PTK7: variants seen among roughly 807,000 people sequenced by gnomAD.
The protein encoded by PTK7 is inactive tyrosine-protein kinase 7.
In PTK7, 39 loss-of-function variants were observed where a neutral mutation model predicts 116.6. The observed-to-expected ratio is 0.33, with a 90% confidence interval of 0.26 to 0.44. PTK7 has a LOEUF of 0.44. Among genes scored for constraint, PTK7 ranks in the 20% least tolerant of loss-of-function variants. The pLI is 1.00. For synonymous variants in PTK7, 546 were observed against 563.6 expected, an observed-to-expected ratio of 0.97 and a Z score of 0.44; for missense variants, 1,169 against 1,425.6, an observed-to-expected ratio of 0.82 and a Z score of 2.90.
chr6:43,132,751 ACAGAGGCTTCCCTGGTACT>A, intron 7 of PTK7, 64 bp downstream of exon 7: 1 of 1,547,898 alleles, frequency 6.5e-7, no homozygotes, highest in South Asian at 1.2e-5. Flanking sequence ...GGTGTGATGG[ACAGAGGCTTCCCTGGTACT>A]CACCTGAGGT....
intron 1 of PTK7, among the ~76,000 whole-genome samples, chr6:43,105,146 A>C (rs890038602): frequency 7.3e-5 from 11 of 151,694 alleles, no homozygotes; most frequent in African/African-American, 2.7e-4. Context: ...TCTGGAGATA[A>C]TGCTGGATGT....
At chr6:43,111,297 T>C (rs889553729) in intron 1 of PTK7, among the ~76,000 whole-genome samples, 1 of 152,140 alleles carries the variant, frequency 6.6e-6, no homozygotes, top group Non-Finnish European at 1.5e-5. Context: ...CGTACCTGTA[T>C]TTAGTGATCA....
intron 17 of PTK7, 76 bp downstream of exon 17, chr6:43,146,774 G>C: frequency 1.5e-6 from 2 of 1,322,368 alleles, no homozygotes; most frequent in Non-Finnish European, 2.2e-6. Context: ...ACCATTTATT[G>C]AGGGCTCTCT....
At position 43,076,434 on chromosome 6, in the gene PTK7, G is replaced by A; in HGVS notation, c.-55G>A. 1 of 1,425,826 alleles carries A rather than the reference G, an allele frequency of 7.0e-7. No individual in the cohort carries two copies. Among genetic ancestry groups the A allele is most frequent in the Non-Finnish European group, 9.3e-7 (1 of 1,079,780 alleles). 88.3% of individuals were successfully genotyped at this position (1,425,826 alleles called of 1,614,324 possible). On this transcript the variant is annotated 5_prime_UTR_variant, in exon 1 of 20. Transcript: ENST00000230419. This position sits in a 1 kb window ranked among gnomAD's most constrained non-coding sequence, Gnocchi z 5.7. Reference sequence around the variant, plus strand: ...CTCCGCCTCCTGTGCCCGCCGCGGAGCGCAGTCTGCGCGCCCGCCGTGCGC... The same window carrying A: ...CTCCGCCTCCTGTGCCCGCCGCGGAACGCAGTCTGCGCGCCCGCCGTGCGC...
In PTK7 at chr6:43,106,195, TCTC is replaced by T. The variant is rs556964727; in HGVS notation, c.80-22778_80-22776del. Among the ~76,000 whole-genome samples the T allele has an allele frequency of 3.1e-3, 466 of 152,264 alleles. 2 individuals carry two copies. The highest frequency in any genetic ancestry group is 0.01 in the African/African-American group (428 of 41,554). ...CTAATGGCCTCTTGGTGGGCTTCCT[TCTC>T]CTCATCCTTTTAACCCTGAGCATTC... On this transcript the variant is annotated intron_variant, in intron 1 of 19. Coordinates refer to ENST00000230419, the MANE Select transcript of PTK7 (RefSeq NM_002821.5).
intron 1 of PTK7, among the ~76,000 whole-genome samples, chr6:43,086,756 AG>A (rs1392988373): frequency 6.6e-6 from 1 of 152,104 alleles, no homozygotes; most frequent in Admixed American, 6.5e-5. Context: ...GGATTGCTTG[AG>A]CCTGGGAGGT....
intron 1 of PTK7, among the ~76,000 whole-genome samples, chr6:43,124,768 C>G (rs567014575): frequency 2.0e-5 from 3 of 152,390 alleles, no homozygotes; most frequent in East Asian, 3.9e-4. Flanking sequence ...GTCTTCTGAG[C>G]AAACATGGGT....
intron 1 of PTK7, among the ~76,000 whole-genome samples, chr6:43,122,496 G>A (rs953113453): frequency 6.6e-6 from 1 of 152,172 alleles, no homozygotes; most frequent in African/African-American, 2.4e-5. Context: ...CTCCCTTGGG[G>A]GTCTATGTAT....
At position 43,138,886 on chromosome 6, in the gene PTK7, G is replaced by A. The variant is rs1770209433; in HGVS notation, c.1266G>A (p.Gln422=). 4.3e-6 allele frequency: 7 copies of A among 1,614,172 alleles called. No individual in the cohort carries two copies. The highest frequency in any genetic ancestry group is 5.9e-6 in the Non-Finnish European group (7 of 1,180,026). Residue 422 remains glutamine, a synonymous_variant, in exon 8 of 20, where the codon CAG becomes CAA. Coordinates refer to ENST00000230419, the MANE Select transcript of PTK7 (RefSeq NM_002821.5). The stretch of plus-strand genomic sequence containing the variant: ...GGCTGAAGAAGCCCCAAGACAGCCA[G>A]CTGGAGGAGGGCAAACCCGGCTACT... ...PSWLKKPQDS[Q]LEEGKPGYLD...
rs1582163381 is a variant in PTK7 at position 43,132,464 on chromosome 6, T to C, written c.1005T>C (p.Ala335=). ...TATTTGAGCCACGGGTGTTTACAGCTGGCAGCGAGGAGCGTGTGACCTGCC... is the reference window on the plus strand; with the variant it reads ...TATTTGAGCCACGGGTGTTTACAGCCGGCAGCGAGGAGCGTGTGACCTGCC... ...MPLFEPRVFT[A]GSEERVTCLP... The change falls in exon 7 of 20, where the codon GCT becomes GCC. Residue 335 remains alanine (A), a synonymous_variant. Transcript: ENST00000230419. 6 of 1,595,452 alleles carry C rather than the reference T, an allele frequency of 3.8e-6. No individual in the cohort carries two copies. The East Asian group carries it at 1.1e-4, about 30-fold the overall frequency.
chr6:43,114,994 ATC>A (rs1768423457), intron 1 of PTK7, among the ~76,000 whole-genome samples: 1 of 151,768 alleles, frequency 6.6e-6, no homozygotes, highest in Non-Finnish European at 1.5e-5. Context: ...GTGAGCCGAG[ATC>A]TTGCCATTGC....
At chr6:43,108,425 G>A (rs1343924487) in intron 1 of PTK7, among the ~76,000 whole-genome samples, 10 of 146,028 alleles carry the variant, frequency 6.8e-5, no homozygotes, top group Non-Finnish European at 1.5e-5. Context: ...TTAAAGACAG[G>A]GTCTCAGTTT....
chr6:43,101,469 A>G (rs1767577916), intron 1 of PTK7, among the ~76,000 whole-genome samples: 1 of 146,696 alleles, frequency 6.8e-6, no homozygotes. Flanking sequence ...TGAGAATGGC[A>G]TGAACCCGGG....
Position 43,132,144 on chromosome 6 carries a change from A to G in PTK7, c.941A>G (p.Glu314Gly). 1 of 1,611,308 alleles carries G rather than the reference A, an allele frequency of 6.2e-7. No homozygotes were observed. The highest frequency in any genetic ancestry group is 8.5e-7 in the Non-Finnish European group (1 of 1,177,910). ...QGQRGPPIIL[E>G]ATLHLAEIED... ...CAGAGGGGCCCACCCATCATCCTGG[A>G]AGCCACACTTCACCTAGCAGGTGAG... Residue 314 changes from glutamate to glycine, a missense_variant, in exon 6 of 20, where the codon GAA becomes GGA. Physicochemically the swap from Glu to Gly is moderately conservative, Grantham distance 98. Transcript: ENST00000230419.
chr6:43,158,766 A>G, intron 17 of PTK7, 51 bp from the exon 18 acceptor site: 1 of 1,582,360 alleles, frequency 6.3e-7, no homozygotes, highest in Non-Finnish European at 8.6e-7. Context: ...GAGGGTGGTC[A>G]TCTTGATGCC....
intron 1 of PTK7, among the ~76,000 whole-genome samples, chr6:43,090,042 G>A (rs1307869735): frequency 2.6e-5 from 4 of 152,174 alleles, no homozygotes; most frequent in East Asian, 1.9e-4. Context: ...GAGATCCTGC[G>A]GAAGCCACCA....
chr6:43,114,928 G>C (rs1768417391), intron 1 of PTK7, among the ~76,000 whole-genome samples: 1 of 152,006 alleles, frequency 6.6e-6, no homozygotes, highest in Admixed American at 6.6e-5. Context: ...TGTAATCCCA[G>C]CTACTTAGGA....
chr6:43,155,491 A>C (rs570274865), intron 17 of PTK7, among the ~76,000 whole-genome samples: 1 of 151,972 alleles, frequency 6.6e-6, no homozygotes, highest in African/African-American at 2.4e-5. Context: ...AAAAAATACA[A>C]AAGTTAGCTG....
intron 1 of PTK7, among the ~76,000 whole-genome samples, chr6:43,123,830 G>C (rs1417470579): frequency 6.6e-6 from 1 of 152,216 alleles, no homozygotes; most frequent in Non-Finnish European, 1.5e-5. Context: ...TACCGGGGAA[G>C]CAGCACCCTC....
Sources: gnomAD v4.1 joint callset for allele counts (sites outside exome capture counted in the v4.1 genomes callset) on GRCh38, gnomAD v4.1.1 for gene constraint, Gnocchi (gnomAD v3.1) non-coding constraint, MANE v1.5 for transcripts, NCBI Gene and HGNC (gene_info 2026-07-23, HGNC 2026-07-21) for gene names.